FMNL2: variants seen among roughly 807,000 people sequenced by gnomAD.
FMNL2 encodes formin like 2.
A neutral mutation model predicts 130.2 loss-of-function variants in FMNL2; 51 were observed. That is an observed-to-expected ratio of 0.39 (90% confidence interval 0.31 to 0.49). The LOEUF (loss-of-function observed/expected upper bound fraction) is 0.49. FMNL2 is among the 20% of genes least tolerant of loss of function. The pLI, the probability that FMNL2 is intolerant of heterozygous loss-of-function variation, is 0.85. For synonymous variants in FMNL2, 465 were observed against 467.1 expected (o/e 1.00, Z 0.06); for missense variants, 977 against 1,316.2 (o/e 0.74, Z 3.99).
chr2:152,486,663 A>T (rs1156445149), intron 1 of FMNL2, among the ~76,000 whole-genome samples: 2 of 152,242 alleles, frequency 1.3e-5, no homozygotes, highest in Non-Finnish European at 2.9e-5. Context: ...TCCTTGAGTT[A>T]TGAAGCTTGT....
intron 1 of FMNL2, among the ~76,000 whole-genome samples, chr2:152,428,832 A>G (rs941876046): frequency 6.6e-6 from 1 of 152,150 alleles, no homozygotes; most frequent in Non-Finnish European, 1.5e-5. Flanking sequence ...TCTAGTTATA[A>G]TATGTCATAT....
intron 14 of FMNL2, 29 bp downstream of exon 14, chr2:152,619,187 A>G: frequency 6.6e-7 from 1 of 1,521,228 alleles, no homozygotes; most frequent in Non-Finnish European, 8.8e-7. Flanking sequence ...AGGACTGAGG[A>G]AGTTTTGGAA....
At chr2:152,454,752 A>G (rs1420260492) in intron 1 of FMNL2, among the ~76,000 whole-genome samples, 1 of 152,226 alleles carries the variant, frequency 6.6e-6, no homozygotes, top group African/African-American at 2.4e-5. Context: ...ACCTTTCATC[A>G]GCATACAAGA....
chr2:152,581,179 T>G (rs1321268688), intron 9 of FMNL2, 130 bp downstream of exon 9: 7 of 698,490 alleles, frequency 1.0e-5, no homozygotes, highest in Non-Finnish European at 1.6e-5. Flanking sequence ...AAGATCTCAC[T>G]GAGAGGAATG....
At chr2:152,466,825 G>A (rs868683934) in intron 1 of FMNL2, among the ~76,000 whole-genome samples, 41 of 152,192 alleles carry the variant, frequency 2.7e-4, no homozygotes, top group African/African-American at 8.0e-4. Context: ...GGCAGCCTCT[G>A]CAGTCCCCGT....
intron 1 of FMNL2, among the ~76,000 whole-genome samples, chr2:152,463,250 T>C (rs1689349096): frequency 6.6e-6 from 1 of 152,246 alleles, no homozygotes; most frequent in Admixed American, 6.5e-5. Flanking sequence ...CTTACCTTTT[T>C]GAAATAATAG....
chr2:152,555,960 A>G (rs564660757), intron 4 of FMNL2, among the ~76,000 whole-genome samples: 64 of 152,362 alleles, frequency 4.2e-4, no homozygotes, highest in African/African-American at 1.4e-3. Context: ...TGAGGCATCC[A>G]TATTCTTTGA....
chr2:152,490,791 T>C (rs907009727), intron 1 of FMNL2, among the ~76,000 whole-genome samples: 1 of 149,764 alleles, frequency 6.7e-6, no homozygotes, highest in Non-Finnish European at 1.5e-5. Context: ...TATGGACCAG[T>C]GTGTGAACAG....
rs764189209 is a variant in FMNL2 at position 152,619,578 on chromosome 2, C to A, written c.1697C>A (p.Pro566Gln). ...PPPPPPPPPP[P>Q]PPPPPPPLPG... ...CCCCCTCCTCCACCTCCTCCTCCCCCACCGCCCCCTCCGCCTCCTCCTCTC... is the reference window on the plus strand; with the variant it reads ...CCCCCTCCTCCACCTCCTCCTCCCCAACCGCCCCCTCCGCCTCCTCCTCTC... The change falls in exon 15 of 26, where the codon CCA becomes CAA. Residue 566 changes from proline (P) to glutamine (Q), a missense_variant. Pro to Gln is a moderately conservative substitution (Grantham distance 76). Coordinates refer to ENST00000288670, the MANE Select transcript of FMNL2 (RefSeq NM_052905.4). The A allele has an allele frequency of 2.7e-6, 3 of 1,125,802 alleles. No homozygotes were observed. Among genetic ancestry groups the A allele is most frequent in the Admixed American group, 2.2e-5 (1 of 45,126 alleles). The allele number at this position is 1,125,802 out of a possible 1,614,324, so 69.7% of individuals were successfully genotyped here.
At chr2:152,570,288 T>C (rs1696104506) in intron 6 of FMNL2, among the ~76,000 whole-genome samples, 1 of 152,340 alleles carries the variant, frequency 6.6e-6, no homozygotes, top group African/African-American at 2.4e-5. Context: ...TAGAATCTCA[T>C]CTTTGAATGC....
At chr2:152,646,169 A>AAG (rs1683542144) in intron 25 of FMNL2, among the ~76,000 whole-genome samples, 1 of 138,286 alleles carries the variant, frequency 7.2e-6, no homozygotes, top group Non-Finnish European at 1.6e-5. Context: ...AAAAAAAAAA[A>AAG]ACAAACAAAC....
chr2:152,450,416 A>C (rs16831135), intron 1 of FMNL2, among the ~76,000 whole-genome samples: 21,708 of 152,206 alleles, frequency 0.14, 2,589 homozygotes, highest in African/African-American at 0.3. Context: ...TCAGGTACTA[A>C]AGGCTTTTCA....
At chr2:152,473,680 C>T (rs1425372892) in intron 1 of FMNL2, among the ~76,000 whole-genome samples, 1 of 152,106 alleles carries the variant, frequency 6.6e-6, no homozygotes, top group Non-Finnish European at 1.5e-5. Flanking sequence ...TGAATAGTTG[C>T]CTTCACTCTT....
chr2:152,405,976 G>C (rs1199738658), intron 1 of FMNL2, among the ~76,000 whole-genome samples: 2 of 152,210 alleles, frequency 1.3e-5, no homozygotes, highest in African/African-American at 4.8e-5. Flanking sequence ...AGAAGAGTAA[G>C]AATTCTTCTG....
intron 1 of FMNL2, among the ~76,000 whole-genome samples, chr2:152,350,377 G>A (rs139308014): frequency 7.9e-5 from 12 of 152,222 alleles, no homozygotes; most frequent in African/African-American, 2.7e-4. Context: ...CTCTGTTGTC[G>A]GTAACAGAGC....
intron 1 of FMNL2, among the ~76,000 whole-genome samples, chr2:152,373,720 T>G (rs1684014750): frequency 6.6e-6 from 1 of 151,894 alleles, no homozygotes; most frequent in African/African-American, 2.4e-5. Flanking sequence ...TGGAAATTTT[T>G]TTTTTTTCCT....
rs115400869 is a variant in FMNL2 at position 152,487,320 on chromosome 2, A to G, written c.118-34623A>G. Among the ~76,000 whole-genome samples, 1,363 of 152,328 alleles carry G rather than the reference A, an allele frequency of 8.9e-3. 25 individuals are homozygous for G. Among genetic ancestry groups the G allele is most frequent in the African/African-American group, 0.031 (1,279 of 41,568 alleles). On this transcript the variant is annotated intron_variant, in intron 1 of 25. Coordinates refer to ENST00000288670, the MANE Select transcript of FMNL2 (RefSeq NM_052905.4). ...AAAAGTACTATTATTTTCATCAATC[A>G]TAAGTTATAGATAACAAAAACTCAG...
chr2:152,514,245 G>A (rs1486666597), intron 1 of FMNL2, among the ~76,000 whole-genome samples: 2 of 152,096 alleles, frequency 1.3e-5, no homozygotes, highest in East Asian at 3.9e-4. Context: ...TACCTCATTT[G>A]ATTTGAAGAC....
At chr2:152,388,249 A>G (rs1579543482) in intron 1 of FMNL2, among the ~76,000 whole-genome samples, 1 of 152,166 alleles carries the variant, frequency 6.6e-6, no homozygotes, top group African/African-American at 2.4e-5. Flanking sequence ...TTACCATTGT[A>G]TTGGTCTGTT....
Sources: gnomAD v4.1 joint callset for allele counts (sites outside exome capture counted in the v4.1 genomes callset) on GRCh38, gnomAD v4.1.1 for gene constraint, MANE v1.5 for transcripts, NCBI Gene and HGNC (gene_info 2026-07-23, HGNC 2026-07-21) for gene names.